The following ARHGAP12 variants were observed in gnomAD, a reference collection of about 807,000 sequenced individuals.
ARHGAP12 encodes rho GTPase-activating protein 12.
In ARHGAP12, 64 loss-of-function variants were observed where a neutral mutation model predicts 108.6. The ratio of observed to expected loss-of-function variants is 0.59; its 90% CI spans 0.48 to 0.73. The LOEUF (loss-of-function observed/expected upper bound fraction) is 0.73, where lower values mean the gene tolerates loss of function less well. Ranked by LOEUF, ARHGAP12 falls within the 30% of genes least tolerant of loss-of-function variation. The probability of loss-of-function intolerance (pLI) is 0.00; values close to 1 mark genes in which losing one functional copy is unlikely to be tolerated. For missense variants in ARHGAP12, 940 were observed against 1,005.9 expected (o/e 0.93, Z 0.89); for synonymous variants, 312 against 337.2 (o/e 0.93, Z 0.82).
In ARHGAP12 at chr10:31,812,753, T is replaced by C. The variant is rs1389542990; in HGVS notation, c.1905A>G (p.Thr635=). The change falls in exon 15 of 20, where the codon ACA becomes ACG. Residue 635 remains threonine (T), a synonymous_variant. Coordinates refer to ENST00000344936, the MANE Select transcript of ARHGAP12 (RefSeq NM_018287.7). ...GAACAGCTTGCAAAGTGGGGCGTCG[T>C]GTAAGAAACTTCTTTAAGTTTTTCT... is the stretch of plus-strand genomic sequence containing the variant. ...KTKKNLKKFL[T]RRPTLQAVRE... 2.5e-6 allele frequency: 4 copies of C among 1,609,332 alleles called. No homozygotes were observed. The highest frequency in any genetic ancestry group is 3.4e-6 in the Non-Finnish European group (4 of 1,178,776).
At chr10:31,846,998 T>C (rs1458605410) in intron 6 of ARHGAP12, among the ~76,000 whole-genome samples, 2 of 151,104 alleles carry the variant, frequency 1.3e-5, no homozygotes, top group Non-Finnish European at 2.9e-5. Flanking sequence ...GATTCTCTTC[T>C]CTTTTACCTC....
At chr10:31,912,877 A>G (rs1297950618) in intron 1 of ARHGAP12, among the ~76,000 whole-genome samples, 2 of 152,232 alleles carry the variant, frequency 1.3e-5, no homozygotes, top group Non-Finnish European at 2.9e-5. Context: ...AATGAAAGAA[A>G]AAAACTTATT....
intron 5 of ARHGAP12, among the ~76,000 whole-genome samples, chr10:31,853,248 T>C (rs370633847): frequency 6.6e-5 from 10 of 152,224 alleles, no homozygotes; most frequent in African/African-American, 2.2e-4. Context: ...GTTTGAGAAA[T>C]TGACAAAAGA....
At chr10:31,816,992 T>C (rs1835226996) in intron 13 of ARHGAP12, among the ~76,000 whole-genome samples, 1 of 152,166 alleles carries the variant, frequency 6.6e-6, no homozygotes, top group Non-Finnish European at 1.5e-5. Flanking sequence ...TAATATAATA[T>C]GATCCTCAAT....
At chr10:31,914,853 G>T (rs1312218909) in intron 1 of ARHGAP12, among the ~76,000 whole-genome samples, 1 of 152,174 alleles carries the variant, frequency 6.6e-6, no homozygotes, top group Non-Finnish European at 1.5e-5. Flanking sequence ...ATTTACTGCA[G>T]CAGTATTCGA....
At chr10:31,927,914 A>G in intron 1 of ARHGAP12, among the ~76,000 whole-genome samples, 1 of 152,182 alleles carries the variant, frequency 6.6e-6, no homozygotes, top group East Asian at 1.9e-4. Context: ...CACGCTGGTA[A>G]AGAGGATTTT....
chr10:31,899,973 G>C (rs1297271392), intron 3 of ARHGAP12, among the ~76,000 whole-genome samples: 1 of 152,086 alleles, frequency 6.6e-6, no homozygotes, highest in Non-Finnish European at 1.5e-5. Context: ...ACATACATCT[G>C]ATTAAAGAAT....
intron 19 of ARHGAP12, 112 bp downstream of exon 19, chr10:31,808,537 C>A: frequency 1.2e-6 from 1 of 853,918 alleles, no homozygotes; most frequent in Non-Finnish European, 1.9e-6. Flanking sequence ...GTTACAAAGA[C>A]AGCAAGTAGC....
chr10:31,903,158 C>T (rs778077890), intron 3 of ARHGAP12, among the ~76,000 whole-genome samples: 2 of 152,092 alleles, frequency 1.3e-5, no homozygotes, highest in Non-Finnish European at 2.9e-5. Flanking sequence ...TTTCACAGAG[C>T]GTTCTTACAC....
chr10:31,814,055 G>A (rs1204536246), intron 14 of ARHGAP12, among the ~76,000 whole-genome samples: 1 of 152,130 alleles, frequency 6.6e-6, no homozygotes, highest in Non-Finnish European at 1.5e-5. Flanking sequence ...GATGCCACAG[G>A]ATGCATACTA....
rs1391160328 is a variant in ARHGAP12, at chr10:31,809,000, C to T, written c.2257G>A (p.Ala753Thr). The T allele has an allele frequency of 4.4e-6, 7 of 1,581,078 alleles. No homozygotes were observed. Among genetic ancestry groups the T allele is most frequent in the Non-Finnish European group, 6.1e-6 (7 of 1,156,800 alleles). The change falls in exon 18 of 20, where the codon GCA becomes ACA. Residue 753 changes from alanine (A) to threonine (T), a missense_variant. Coordinates refer to ENST00000344936, the MANE Select transcript of ARHGAP12 (RefSeq NM_018287.7). ...AGTAGAATTACATACTTACTAATTG[C>T]ATTAACAAAATCATTAAAATGATTA... ...TFNHFNDFVN[A>T]IKQEPRQRVA...
intron 3 of ARHGAP12, among the ~76,000 whole-genome samples, chr10:31,879,818 G>C (rs1456893419): frequency 6.6e-6 from 1 of 152,146 alleles, no homozygotes; most frequent in African/African-American, 2.4e-5. Context: ...AATCCTATTG[G>C]GATATCCCAT....
chr10:31,892,388 T>C (rs527618561), intron 3 of ARHGAP12, among the ~76,000 whole-genome samples: 6 of 152,062 alleles, frequency 3.9e-5, no homozygotes, highest in Admixed American at 6.5e-5. Flanking sequence ...GAGACACACA[T>C]AGGCTCAAAA....
chr10:31,921,429 T>C (rs904685873), intron 1 of ARHGAP12, among the ~76,000 whole-genome samples: 1 of 152,132 alleles, frequency 6.6e-6, no homozygotes, highest in Non-Finnish European at 1.5e-5. Context: ...ATCAATGACA[T>C]AAGCTTCCAC....
At chr10:31,897,243 T>C (rs759570180) in intron 3 of ARHGAP12, among the ~76,000 whole-genome samples, 9 of 151,666 alleles carry the variant, frequency 5.9e-5, no homozygotes, top group Non-Finnish European at 1.3e-4. Flanking sequence ...CTTAAAAGGG[T>C]TTACCAGAGC....
At chr10:31,815,190 G>A (rs1235454415) in intron 13 of ARHGAP12, among the ~76,000 whole-genome samples, 2 of 151,614 alleles carry the variant, frequency 1.3e-5, no homozygotes, top group African/African-American at 4.8e-5. Flanking sequence ...AACTAAGGTC[G>A]CTTGTACAGA....
At position 31,806,052 on chromosome 10, in the gene ARHGAP12, T is replaced by C. The variant is rs1834813930; in HGVS notation, c.*1606A>G. On this transcript the variant is annotated 3_prime_UTR_variant, in exon 20 of 20. Coordinates refer to ENST00000344936, the MANE Select transcript of ARHGAP12 (RefSeq NM_018287.7). ...AGGAAGGCAATCTGTAAATTATAAA[T>C]GCAACCCTAAGAAAAAAAAATCCTG... is the stretch of plus-strand genomic sequence containing the variant. 6.6e-6 allele frequency: 1 copy of C among 150,784 alleles called. No individual in the cohort carries two copies. Among genetic ancestry groups the C allele is most frequent in the South Asian group, 2.1e-4 (1 of 4,826 alleles). 9.3% of individuals were successfully genotyped at this position (150,784 alleles called of 1,614,324 possible).
At chr10:31,864,281 T>C (rs1201818654) in intron 3 of ARHGAP12, among the ~76,000 whole-genome samples, 1 of 152,068 alleles carries the variant, frequency 6.6e-6, no homozygotes, top group Non-Finnish European at 1.5e-5. Context: ...AATGACAAAT[T>C]AGAAAATATA....
chr10:31,923,280 C>T (rs1164549468), intron 1 of ARHGAP12, among the ~76,000 whole-genome samples: 1 of 152,048 alleles, frequency 6.6e-6, no homozygotes, highest in Non-Finnish European at 1.5e-5. Context: ...AATGTCACCA[C>T]ACATCTCACA....
Sources: allele counts gnomAD v4.1 joint callset (sites outside exome capture counted in the v4.1 genomes callset), GRCh38; gene constraint gnomAD v4.1.1; transcripts MANE v1.5; gene names NCBI Gene and HGNC (gene_info 2026-07-23, HGNC 2026-07-21).